The following TLL2 variants were observed in gnomAD, a reference collection of about 807,000 sequenced individuals.
TLL2 encodes tolloid-like protein 2.
In TLL2, 106 loss-of-function variants were observed where a neutral mutation model predicts 123.0. That is an observed-to-expected ratio of 0.86 (90% confidence interval 0.74 to 1.01). The LOEUF (loss-of-function observed/expected upper bound fraction) is 1.01, where lower values mean the gene tolerates loss of function less well. Ranked by LOEUF, TLL2 falls within the 50% of genes least tolerant of loss-of-function variation. The probability of loss-of-function intolerance (pLI) is 0.00; values close to 1 mark genes in which losing one functional copy is unlikely to be tolerated. For missense variants in TLL2, 1,332 were observed against 1,336.7 expected (o/e 1.00, Z 0.06); for synonymous variants, 494 against 516.8 (o/e 0.96, Z 0.60).
rs1198311380 is a variant in TLL2, at chr10:96,386,103, C to A, written c.1965G>T (p.Gln655His). Reference sequence around the variant, plus strand: ...CTTCAAACTGAAGGGAGATCCGGTACTGAGCGGGGGCCACCACCTGCCAGA... The same window carrying A: ...CTTCAAACTGAAGGGAGATCCGGTAATGAGCGGGGGCCACCACCTGCCAGA... ...NCVWQVVAPA[Q>H]YRISLQFEVF... is the part of the protein sequence containing the mutation. Residue 655 changes from glutamine (Q) to histidine (H), a missense_variant, in exon 15 of 21, where the codon CAG (glutamine) becomes CAT (histidine). Coordinates refer to ENST00000357947, the MANE Select transcript of TLL2 (RefSeq NM_012465.4). 6.2e-7 allele frequency: 1 copy of A among 1,611,852 alleles called. No individual in the cohort carries two copies. Among genetic ancestry groups the A allele is most frequent in the Non-Finnish European group, 8.5e-7 (1 of 1,179,000 alleles).
intron 13 of TLL2, among the ~76,000 whole-genome samples, chr10:96,393,676 A>G (rs1322670049): frequency 6.6e-6 from 1 of 151,830 alleles, no homozygotes; most frequent in African/African-American, 2.4e-5. Flanking sequence ...TCCCTGTGCA[A>G]TCAGAAGCTG....
At position 96,376,798 on chromosome 10, in the gene TLL2, C is replaced by A; in HGVS notation, c.2342G>T (p.Ser781Ile). 6.4e-7 allele frequency: 1 copy of A among 1,567,046 alleles called. No individual in the cohort carries two copies. The highest frequency in any genetic ancestry group is 8.6e-7 in the Non-Finnish European group (1 of 1,159,918). The change falls in exon 18 of 21, where the codon AGC becomes ATC. Residue 781 changes from serine (S) to isoleucine (I), a missense_variant. Coordinates refer to ENST00000357947, the MANE Select transcript of TLL2 (RefSeq NM_012465.4). ...CKEAGCAHKI[S>I]SVEGTLASPN... ...GCTCGCCAGGGTCCCCTCCACACTG[C>A]TGATCTTGTGTGCACAGCCAGCTGG...
At chr10:96,446,493 G>A (rs978670913) in intron 2 of TLL2, among the ~76,000 whole-genome samples, 10 of 132,980 alleles carry the variant, frequency 7.5e-5, no homozygotes, top group East Asian at 3.3e-4. Context: ...TTCCTCACGC[G>A]CCCCCCACCT....
chr10:96,410,064 C>T (rs1846486151), intron 9 of TLL2, among the ~76,000 whole-genome samples: 4 of 152,178 alleles, frequency 2.6e-5, no homozygotes, highest in African/African-American at 9.7e-5. Context: ...TCCGAGGTGT[C>T]ACAGAATTCT....
At chr10:96,496,194 T>C (rs6584080) in intron 1 of TLL2, among the ~76,000 whole-genome samples, 54,546 of 151,994 alleles carry the variant, frequency 0.36, 10,207 homozygotes, top group South Asian at 0.43. Context: ...TATTCCTAAT[T>C]GATCACAGCT....
At chr10:96,488,436 C>T (rs1847377723) in intron 1 of TLL2, among the ~76,000 whole-genome samples, 1 of 152,198 alleles carries the variant, frequency 6.6e-6, no homozygotes. Context: ...AGCCCCTTCC[C>T]ACGCCAGCCC....
At chr10:96,450,159 A>C (rs2861582) in intron 2 of TLL2, among the ~76,000 whole-genome samples, 46,645 of 131,302 alleles carry the variant, frequency 0.36, 7,516 homozygotes, top group East Asian at 0.63. Context: ...GAATGAATGC[A>C]TGGATGGATG....
intron 4 of TLL2, among the ~76,000 whole-genome samples, chr10:96,431,837 A>T (rs1470220327): frequency 1.3e-5 from 2 of 152,168 alleles, no homozygotes; most frequent in African/African-American, 2.4e-5. Context: ...GTCCCTTGAC[A>T]TAAGACTCAA....
In TLL2 at chr10:96,419,728, C is replaced by T. The variant is rs116036178; in HGVS notation, c.923+1228G>A. 4.6e-3 allele frequency among the ~76,000 whole-genome samples: 706 copies of T among 152,296 alleles called. 8 individuals carry two copies. Among genetic ancestry groups the T allele is most frequent in the African/African-American group, 0.015 (624 of 41,554 alleles). The stretch of plus-strand genomic sequence containing the variant: ...AGATTTAGAGGATTTCTCCCATAGT[C>T]CTATCAACAAACTCATCAACAGGAT... On this transcript the variant is annotated intron_variant, in intron 7 of 20. Transcript: ENST00000357947.
chr10:96,440,686 C>G (rs1846843123), intron 3 of TLL2, among the ~76,000 whole-genome samples: 1 of 152,204 alleles, frequency 6.6e-6, no homozygotes, highest in South Asian at 2.1e-4. Flanking sequence ...CTGTTTTATG[C>G]AGCCAAGTCA....
intron 5 of TLL2, among the ~76,000 whole-genome samples, chr10:96,426,062 G>A (rs1180441754): frequency 1.3e-5 from 2 of 151,910 alleles, no homozygotes; most frequent in Non-Finnish European, 2.9e-5. Context: ...ATCTATTTCT[G>A]TGCTACCTTG....
At chr10:96,387,706 G>A (rs924884340) in intron 13 of TLL2, among the ~76,000 whole-genome samples, 4 of 152,158 alleles carry the variant, frequency 2.6e-5, no homozygotes, top group Non-Finnish European at 4.4e-5. Context: ...TAGCAGGGGC[G>A]TTGGATGGGA....
At chr10:96,387,571 G>A (rs1438408828) in intron 13 of TLL2, among the ~76,000 whole-genome samples, 1 of 152,172 alleles carries the variant, frequency 6.6e-6, no homozygotes, top group African/African-American at 2.4e-5. Flanking sequence ...TTATTTAGGA[G>A]TTTTAGAAAT....
In TLL2 at chr10:96,454,541, T is replaced by C. The variant is rs149719646; in HGVS notation, c.287-8373A>G. Among the ~76,000 whole-genome samples, 16 of 152,328 alleles carry C rather than the reference T, an allele frequency of 1.1e-4. No individual in the cohort carries two copies. In the East Asian group the frequency reaches 3.1e-3, roughly 29 times the overall value. On this transcript the variant is annotated intron_variant, in intron 2 of 20. Transcript: ENST00000357947. ...CCCTTAGGCATGCTCTTAGAGTACC[T>C]CTGTTGTTCACCTGGCATCAAACCT... is the stretch of plus-strand genomic sequence containing the variant.
chr10:96,387,478 A>C (rs749114087), intron 13 of TLL2, among the ~76,000 whole-genome samples: 11 of 152,240 alleles, frequency 7.2e-5, no homozygotes, highest in Non-Finnish European at 1.5e-4. Context: ...CTTCTCAGAG[A>C]TATTAAATAA....
At chr10:96,461,928 C>G (rs1472166066) in intron 2 of TLL2, among the ~76,000 whole-genome samples, 1 of 152,188 alleles carries the variant, frequency 6.6e-6, no homozygotes, top group African/African-American at 2.4e-5. Context: ...ATCTATCACC[C>G]CTATAAGACG....
chr10:96,417,488 T>G (rs7093331), intron 7 of TLL2, among the ~76,000 whole-genome samples: 147,473 of 152,298 alleles, frequency 0.97, 71,549 homozygotes, highest in East Asian at 1. Flanking sequence ...ATGTGAAGCT[T>G]CCATACCTCC....
rs1486981271 is a variant in TLL2, at chr10:96,367,440, G to T, written c.*648C>A. The T allele has an allele frequency of 6.6e-6, 1 of 152,264 alleles. No individual in the cohort carries two copies. Among genetic ancestry groups the T allele is most frequent in the Non-Finnish European group, 1.5e-5 (1 of 68,096 alleles). 9.4% of individuals were successfully genotyped at this position (152,264 alleles called of 1,614,324 possible). ...CAATTAGGGAGGGGGGGAAACCAAA[G>T]GGACAAGGAGAGTGAATGACTCTGA... is the stretch of plus-strand genomic sequence containing the variant. On this transcript the variant is annotated 3_prime_UTR_variant, in exon 21 of 21. Coordinates refer to ENST00000357947, the MANE Select transcript of TLL2 (RefSeq NM_012465.4).
chr10:96,401,580 A>C (rs1846396415), intron 10 of TLL2, among the ~76,000 whole-genome samples: 1 of 151,844 alleles, frequency 6.6e-6, no homozygotes, highest in African/African-American at 2.4e-5. Flanking sequence ...AAACCTCAAA[A>C]CAAAAAACAA....
Sources: allele counts gnomAD v4.1 joint callset (sites outside exome capture counted in the v4.1 genomes callset), GRCh38; gene constraint gnomAD v4.1.1; transcripts MANE v1.5; gene names NCBI Gene and HGNC (gene_info 2026-07-23, HGNC 2026-07-21).